MRAS: variants seen among roughly 807,000 people sequenced by gnomAD.
MRAS encodes the protein muscle RAS oncogene homolog, also known as ras-related protein M-Ras.
A neutral mutation model predicts 20.9 loss-of-function variants in MRAS; 4 were observed. That is an observed-to-expected ratio of 0.19 (90% CI 0.09 to 0.44). MRAS has a LOEUF of 0.44. MRAS is among the 20% of genes least tolerant of loss of function. The pLI is 0.99. For synonymous variants in MRAS, 98 were observed against 102.9 expected, an observed-to-expected ratio of 0.95 and a Z score of 0.29; for missense variants, 154 against 277.5, an observed-to-expected ratio of 0.56 and a Z score of 3.16.
intron 1 of MRAS, chr3:138,350,167 G>A (rs2054197899): frequency 6.6e-6 from 1 of 152,228 alleles, no homozygotes; most frequent in Non-Finnish European, 1.5e-5. Flanking sequence ...AGTGAACAAA[G>A]CACTTTCTCG....
At chr3:138,350,455 G>C (rs935705421) in intron 1 of MRAS, 1 of 152,176 alleles carries the variant, frequency 6.6e-6, no homozygotes, top group Non-Finnish European at 1.5e-5. Flanking sequence ...CAGCCTCTGG[G>C]GAGGGAGGTG....
At chr3:138,381,183 T>C (rs948992606) in intron 2 of MRAS, among the ~76,000 whole-genome samples, 2 of 152,274 alleles carry the variant, frequency 1.3e-5, no homozygotes, top group Non-Finnish European at 2.9e-5. Flanking sequence ...TTTGCTGTTA[T>C]GAATAACGCT....
rs373727168 is a variant in MRAS at position 138,397,382 on chromosome 3, G to A, written c.252G>A (p.Thr84=). 142 of 1,613,992 alleles carry A rather than the reference G, an allele frequency of 8.8e-5. No individual in the cohort carries two copies. Among genetic ancestry groups the A allele is most frequent in the Admixed American group, 3.2e-4 (19 of 59,988 alleles). Residue 84 remains threonine, a synonymous_variant, in exon 3 of 6, where the codon ACG becomes ACA. Coordinates refer to ENST00000423968, the MANE Select transcript of MRAS (RefSeq NM_001085049.3). ...FSAMREQYMR[T]GDGFLIVYSV... is the part of the protein sequence containing the mutation. ...CCATGCGGGAGCAATACATGCGCAC[G>A]GGGGATGGCTTCCTCATCGTCTACT...
At chr3:138,381,416 C>T (rs1309869870) in intron 2 of MRAS, among the ~76,000 whole-genome samples, 1 of 152,220 alleles carries the variant, frequency 6.6e-6, no homozygotes, top group African/African-American at 2.4e-5. Flanking sequence ...CGAGCGTGTC[C>T]TCCACCCTGT....
intron 1 of MRAS, among the ~76,000 whole-genome samples, chr3:138,365,379 AC>A (rs1011707227): frequency 7.2e-5 from 11 of 152,282 alleles, no homozygotes; most frequent in African/African-American, 2.4e-4. Flanking sequence ...GATGGGAAAG[AC>A]CCAGTTATTG....
chr3:138,362,060 G>A (rs2054459449), intron 1 of MRAS, among the ~76,000 whole-genome samples: 1 of 152,198 alleles, frequency 6.6e-6, no homozygotes, highest in Non-Finnish European at 1.5e-5. Context: ...GTTGGTTGCT[G>A]GGCAGGGGGC....
At chr3:138,367,684 A>G (rs979709125) in intron 1 of MRAS, among the ~76,000 whole-genome samples, 3 of 152,184 alleles carry the variant, frequency 2.0e-5, no homozygotes, top group Non-Finnish European at 4.4e-5. Context: ...CAGTGTGAGT[A>G]GAGACTGAGC....
intron 1 of MRAS, among the ~76,000 whole-genome samples, chr3:138,365,586 G>A (rs2054542731): frequency 6.6e-6 from 1 of 152,310 alleles, no homozygotes; most frequent in African/African-American, 2.4e-5. Flanking sequence ...GCACGGATTG[G>A]TAGATTAACA....
chr3:138,376,287 C>T (rs74430617), intron 2 of MRAS, among the ~76,000 whole-genome samples: 1 of 152,292 alleles, frequency 6.6e-6, no homozygotes, highest in South Asian at 2.1e-4. Flanking sequence ...CTTCCCTGAC[C>T]AAACCATTGA....
intron 1 of MRAS, among the ~76,000 whole-genome samples, chr3:138,367,298 GT>G (rs966632107): frequency 6.6e-6 from 1 of 152,130 alleles, no homozygotes; most frequent in Non-Finnish European, 1.5e-5. Context: ...TTGTTCTCCT[GT>G]TTTATAGATG....
At chr3:138,362,912 C>T (rs1483126639) in intron 1 of MRAS, among the ~76,000 whole-genome samples, 1 of 152,188 alleles carries the variant, frequency 6.6e-6, no homozygotes, top group African/African-American at 2.4e-5. Context: ...ATACACACTC[C>T]ACATTCCAGT....
chr3:138,396,121 G>C (rs892622966), intron 2 of MRAS, among the ~76,000 whole-genome samples: 1 of 152,230 alleles, frequency 6.6e-6, no homozygotes, highest in African/African-American at 2.4e-5. Context: ...GGAGTTGGAG[G>C]AAAGTGTCCT....
At chr3:138,378,969 A>T (rs535693112) in intron 2 of MRAS, among the ~76,000 whole-genome samples, 1 of 152,086 alleles carries the variant, frequency 6.6e-6, no homozygotes, top group Non-Finnish European at 1.5e-5. Context: ...AGGGCATGGT[A>T]ATGATCAAAT....
At chr3:138,385,156 ATTTTTTTTTTTT>A (rs34770279) in intron 2 of MRAS, among the ~76,000 whole-genome samples, 12 of 66,476 alleles carry the variant, frequency 1.8e-4, no homozygotes, top group South Asian at 7.1e-4. Flanking sequence ...TTGATTTGTA[ATTTTTTTTTTTT>A]TTTTTTTTTT....
At chr3:138,381,103 C>T (rs2054894232) in intron 2 of MRAS, among the ~76,000 whole-genome samples, 1 of 152,232 alleles carries the variant, frequency 6.6e-6, no homozygotes, top group African/African-American at 2.4e-5. Flanking sequence ...AATGATATTC[C>T]ACTGTATGGA....
rs1470896295 is a variant in MRAS at position 138,372,917 on chromosome 3, C to T, written c.34C>T (p.Pro12Ser). 2 of 1,550,612 alleles carry T rather than the reference C, an allele frequency of 1.3e-6. No homozygotes were observed. Among genetic ancestry groups the T allele is most frequent in the African/African-American group, 1.4e-5 (1 of 70,418 alleles). ...ATSAVPSDNL[P>S]TYKLVVVGDG... ...CAGCGCCGTCCCCAGTGACAACCTC[C>T]CCACATACAAGCTGGTGGTGGTGGG... The change falls in exon 2 of 6, where the codon CCC (proline) becomes TCC (serine). Residue 12 changes from proline (P) to serine (S), a missense_variant. Physicochemically the swap from Pro to Ser is moderately conservative, Grantham distance 74 (BLOSUM62 -1). Coordinates refer to ENST00000423968, the MANE Select transcript of MRAS (RefSeq NM_001085049.3).
At chr3:138,355,560 C>T (rs1444870151) in intron 1 of MRAS, among the ~76,000 whole-genome samples, 2 of 152,206 alleles carry the variant, frequency 1.3e-5, no homozygotes, top group African/African-American at 2.4e-5. Flanking sequence ...TGGGGACCTG[C>T]GGGAGACCCC....
At chr3:138,390,639 A>G (rs1025025508) in intron 2 of MRAS, among the ~76,000 whole-genome samples, 3 of 148,410 alleles carry the variant, frequency 2.0e-5, no homozygotes, top group African/African-American at 7.4e-5. Flanking sequence ...ACTGCTGACA[A>G]GGGGCCTGTG....
intron 1 of MRAS, among the ~76,000 whole-genome samples, chr3:138,370,153 T>C (rs1313765083): frequency 6.6e-6 from 1 of 151,978 alleles, no homozygotes; most frequent in Admixed American, 6.6e-5. Context: ...CCTGTCTCTA[T>C]TGAAAATACA....
Sources: allele counts gnomAD v4.1 joint callset (sites outside exome capture counted in the v4.1 genomes callset), GRCh38; gene constraint gnomAD v4.1.1; transcripts MANE v1.5; gene names NCBI Gene and HGNC (gene_info 2026-07-23, HGNC 2026-07-21).